WNT9A: variants seen among roughly 807,000 people sequenced by gnomAD.
WNT9A encodes protein Wnt-9a.
In WNT9A, 8 loss-of-function variants were observed where a neutral mutation model predicts 31.4. That is an observed-to-expected ratio of 0.26 (90% CI 0.15 to 0.46). The LOEUF (loss-of-function observed/expected upper bound fraction) is 0.46. Among genes scored for constraint, WNT9A ranks in the 20% least tolerant of loss-of-function variants. WNT9A has a pLI of 0.99. For missense variants in WNT9A, 457 were observed against 522.9 expected (o/e 0.87, Z 1.23); for synonymous variants, 236 against 220.1 (o/e 1.07, Z -0.64).
chr1:227,923,881 G>A (rs576146481), intron 3 of WNT9A, among the ~76,000 whole-genome samples: 1 of 152,240 alleles, frequency 6.6e-6, no homozygotes, highest in East Asian at 1.9e-4. Flanking sequence ...AGGCAGACAT[G>A]GGGTACCCCT....
In WNT9A at chr1:227,925,464, C is replaced by T; in HGVS notation, c.151G>A (p.Ala51Thr). 8.2e-6 allele frequency: 13 copies of T among 1,576,450 alleles called. No homozygotes were observed. Among genetic ancestry groups the T allele is most frequent in the South Asian group, 1.1e-5 (1 of 87,094 alleles). ...CAGGCCTTGTAGTGCGCCTGGGCAGCCGCCTCTGGCTCCAGGGTCAGCGGG... is the reference window on the plus strand; with the variant it reads ...CAGGCCTTGTAGTGCGCCTGGGCAGTCGCCTCTGGCTCCAGGGTCAGCGGG... ...ILPLTLEPEAAAQAHYKACDR... is the reference protein window; with the variant it reads ...ILPLTLEPEATAQAHYKACDR... The change falls in exon 2 of 4, where the codon GCT becomes ACT. Residue 51 changes from alanine to threonine, a missense_variant. Coordinates refer to ENST00000272164, the MANE Select transcript of WNT9A (RefSeq NM_003395.4). This position sits in a 1 kb window ranked among gnomAD's most constrained non-coding sequence, Gnocchi z 6.0.
intron 1 of WNT9A, among the ~76,000 whole-genome samples, chr1:227,943,691 G>A (rs1257445221): frequency 6.6e-6 from 1 of 152,204 alleles, no homozygotes; most frequent in Non-Finnish European, 1.5e-5. Flanking sequence ...AAACCTAAAT[G>A]CAGGCGGGGA....
rs932791622 is a variant in WNT9A, at chr1:227,926,335, C to T, written c.96-816G>A. Among the ~76,000 whole-genome samples, 1 of 152,126 alleles carries T rather than the reference C, an allele frequency of 6.6e-6. No homozygotes were observed. Among genetic ancestry groups the T allele is most frequent in the African/African-American group, 2.4e-5 (1 of 41,428 alleles). On this transcript the variant is annotated intron_variant, in intron 1 of 3. Coordinates refer to ENST00000272164, the MANE Select transcript of WNT9A (RefSeq NM_003395.4). This position sits in a 1 kb window ranked among gnomAD's most constrained non-coding sequence, Gnocchi z 5.0. The stretch of plus-strand genomic sequence containing the variant: ...AACCTCAACTGCTCCAGGAACCCGG[C>T]TCCACCCCACTGGGTGCCCCCTCCC...
intron 1 of WNT9A, among the ~76,000 whole-genome samples, chr1:227,946,235 T>C (rs1163651537): frequency 1.5e-4 from 23 of 152,228 alleles, no homozygotes; most frequent in Admixed American, 1.5e-3. Flanking sequence ...TGACCTTCTC[T>C]AGGGCACAAA....
In WNT9A at chr1:227,927,535, C is replaced by T. The variant is rs114150676; in HGVS notation, c.96-2016G>A. On this transcript the variant is annotated intron_variant, in intron 1 of 3. Coordinates refer to ENST00000272164, the MANE Select transcript of WNT9A (RefSeq NM_003395.4). ...GGGCGGCACTGTGGGCATCCATGCA[C>T]AGACACCTCCAAGCCCCAGGGCTAG... Among the ~76,000 whole-genome samples, 1,056 of 152,314 alleles carry T rather than the reference C, an allele frequency of 6.9e-3. 15 individuals are homozygous for T. Among genetic ancestry groups the T allele is most frequent in the African/African-American group, 0.025 (1,019 of 41,562 alleles).
chr1:227,925,788 T>C lies in WNT9A; in HGVS notation c.96-269A>G, dbSNP rs941782817. On this transcript the variant is annotated intron_variant, in intron 1 of 3. Transcript: ENST00000272164. The surrounding 1 kb of genome is among the most constrained non-coding windows in gnomAD (Gnocchi z 6.0). ...TCGACCCCCACAGTTTCAGGGAGTC[T>C]AGCTGACTCTGGCTGCACTGGACAG... Among the ~76,000 whole-genome samples the C allele has an allele frequency of 6.6e-6, 1 of 151,982 alleles. No individual in the cohort carries two copies. Among genetic ancestry groups the C allele is most frequent in the Non-Finnish European group, 1.5e-5 (1 of 67,974 alleles).
intron 1 of WNT9A, among the ~76,000 whole-genome samples, chr1:227,932,481 T>A (rs1666529689): frequency 6.6e-6 from 1 of 152,104 alleles, no homozygotes; most frequent in Non-Finnish European, 1.5e-5. Context: ...TTTTCCAAAC[T>A]CCTGTTCATG....
chr1:227,922,814 A>C (rs1035018912), intron 3 of WNT9A, among the ~76,000 whole-genome samples: 3 of 152,174 alleles, frequency 2.0e-5, no homozygotes, highest in Non-Finnish European at 4.4e-5. Flanking sequence ...GTGGGACCCG[A>C]GCCAGGCGGC....
At chr1:227,924,062 T>TGC in intron 3 of WNT9A, 76 bp downstream of exon 3, 1 of 234,960 alleles carries the variant, frequency 4.3e-6, no homozygotes, top group Non-Finnish European at 6.3e-6. Flanking sequence ...CCGCCCCCAG[T>TGC]CCCACGCCCC....
chr1:227,946,421 G>A (rs914920184), intron 1 of WNT9A, among the ~76,000 whole-genome samples: 5 of 152,240 alleles, frequency 3.3e-5, no homozygotes, highest in African/African-American at 4.8e-5. Flanking sequence ...TGGCTGACAA[G>A]GCCACGGTGA....
chr1:227,931,683 G>A (rs548063615), intron 1 of WNT9A, among the ~76,000 whole-genome samples: 1 of 152,288 alleles, frequency 6.6e-6, no homozygotes, highest in African/African-American at 2.4e-5. Context: ...CAGTCTTTAA[G>A]TGAGCAATAT....
At chr1:227,923,008 A>C (rs1015328503) in intron 3 of WNT9A, among the ~76,000 whole-genome samples, 1 of 152,148 alleles carries the variant, frequency 6.6e-6, no homozygotes, top group Non-Finnish European at 1.5e-5. Context: ...TCATGTTCCG[A>C]CTTCTCATTA....
At chr1:227,922,597 G>T (rs1212673198) in intron 3 of WNT9A, among the ~76,000 whole-genome samples, 2 of 152,196 alleles carry the variant, frequency 1.3e-5, no homozygotes, top group Non-Finnish European at 2.9e-5. Context: ...GGGGAGAGGG[G>T]CTCCTGGGGA....
rs144400080 is a variant in WNT9A at position 227,921,680 on chromosome 1, C to T, written c.936G>A (p.Arg312=). The change falls in exon 4 of 4, where the codon AGG becomes AGA. Residue 312 remains arginine, a synonymous_variant. Transcript: ENST00000272164. The stretch of plus-strand genomic sequence containing the variant: ...TCTCGCAGTTCTTCTCACGGTGGCA[C>T]CTACGGCCAGCGGTGCCCGGGGAGA... ...GRFSPGTAGR[R]CHREKNCESI... 131 of 1,613,066 alleles carry T rather than the reference C, an allele frequency of 8.1e-5. No homozygotes were observed. The highest frequency in any genetic ancestry group is 1.1e-4 in the Non-Finnish European group (124 of 1,179,978).
chr1:227,919,025 C>T lies in WNT9A; in HGVS notation c.*2493G>A, dbSNP rs1384136063. On this transcript the variant is annotated 3_prime_UTR_variant, in exon 4 of 4. Coordinates refer to ENST00000272164, the MANE Select transcript of WNT9A (RefSeq NM_003395.4). ...CGGCCTCTTCATCCAGCAAGACATT[C>T]GAATATGTATTTGTATAGAAACCAA... The T allele has an allele frequency of 4.6e-5, 7 of 152,270 alleles. No individual in the cohort carries two copies. Among genetic ancestry groups the T allele is most frequent in the East Asian group, 3.9e-4 (2 of 5,188 alleles). 9.4% of individuals were successfully genotyped at this position (152,270 alleles called of 1,614,324 possible).
intron 3 of WNT9A, among the ~76,000 whole-genome samples, chr1:227,922,962 C>T (rs896813795): frequency 2.6e-5 from 4 of 152,152 alleles, no homozygotes; most frequent in Non-Finnish European, 4.4e-5. Context: ...ATTAAAATGT[C>T]GCTGACCCAG....
At chr1:227,929,247 T>G (rs886915984) in intron 1 of WNT9A, among the ~76,000 whole-genome samples, 1 of 151,590 alleles carries the variant, frequency 6.6e-6, no homozygotes, top group Non-Finnish European at 1.5e-5. Context: ...CCAGGCAACA[T>G]AGCAAGACCC....
At chr1:227,932,930 C>T (rs183693732) in intron 1 of WNT9A, among the ~76,000 whole-genome samples, 12 of 152,296 alleles carry the variant, frequency 7.9e-5, no homozygotes, top group Admixed American at 5.9e-4. Flanking sequence ...GTAGACTTGG[C>T]GTAATTCTTA....
chr1:227,942,831 G>A lies in WNT9A; in HGVS notation c.95+4962C>T, dbSNP rs1359416438. ...CTGCTCCCAAACCCCCCGGCCCACA[G>A]TGCTCAGAGCACCCGACCCAGGCCC... is the stretch of plus-strand genomic sequence containing the variant. On this transcript the variant is annotated intron_variant, in intron 1 of 3. Transcript: ENST00000272164. The surrounding 1 kb of genome is among the most constrained non-coding windows in gnomAD (Gnocchi z 5.7). Among the ~76,000 whole-genome samples, 1 of 152,168 alleles carries A rather than the reference G, an allele frequency of 6.6e-6. No individual in the cohort carries two copies. Among genetic ancestry groups the A allele is most frequent in the Non-Finnish European group, 1.5e-5 (1 of 68,018 alleles).
Sources: gnomAD v4.1 joint callset for allele counts (sites outside exome capture counted in the v4.1 genomes callset) on GRCh38, gnomAD v4.1.1 for gene constraint, Gnocchi (gnomAD v3.1) non-coding constraint, MANE v1.5 for transcripts, NCBI Gene and HGNC (gene_info 2026-07-23, HGNC 2026-07-21) for gene names.